SEM1: variants seen among roughly 807,000 people sequenced by gnomAD.
The protein encoded by SEM1 is 26S proteasome complex subunit SEM1.
A neutral mutation model predicts 12.7 loss-of-function variants in SEM1; 3 were observed. The ratio of observed to expected loss-of-function variants is 0.24; its 90% CI spans 0.11 to 0.61. The LOEUF (loss-of-function observed/expected upper bound fraction) is 0.61. Among genes scored for constraint, SEM1 ranks in the 20% least tolerant of loss-of-function variants. SEM1 has a pLI of 0.88. For missense variants in SEM1, 59 were observed against 81.3 expected (o/e 0.73, Z 1.06); for synonymous variants, 30 against 27.8 (o/e 1.08, Z -0.25).
downstream of SEM1, among the ~76,000 whole-genome samples, chr7:96,670,136 TAATC>T (rs1176668159): frequency 2.0e-5 from 3 of 152,192 alleles, no homozygotes; most frequent in African/African-American, 7.2e-5. Context: ...TTTCCAATGT[TAATC>T]AAGTAATAAT....
At chr7:96,585,705 A>ATTCG (rs1320659221) in intron 2 of SEM1, among the ~76,000 whole-genome samples, 1 of 151,434 alleles carries the variant, frequency 6.6e-6, no homozygotes, top group Non-Finnish European at 1.5e-5. Flanking sequence ...AAAGTGCAGT[A>ATTCG]TTCGGGTGGG....
intron 3 of SEM1, among the ~76,000 whole-genome samples, chr7:96,505,614 G>A (rs1410940717): frequency 6.6e-6 from 1 of 152,058 alleles, no homozygotes; most frequent in Admixed American, 6.6e-5. Flanking sequence ...CATATACTGG[G>A]TGGATTATAA....
intron 2 of SEM1, among the ~76,000 whole-genome samples, chr7:96,507,729 G>A (rs1803803258): frequency 6.6e-6 from 1 of 152,112 alleles, no homozygotes; most frequent in African/African-American, 2.4e-5. Flanking sequence ...CCCCATGGAT[G>A]TGAAATCAAC....
chr7:96,580,988 T>C (rs1220563034), intron 2 of SEM1, among the ~76,000 whole-genome samples: 1 of 152,246 alleles, frequency 6.6e-6, no homozygotes, highest in Non-Finnish European at 1.5e-5. Flanking sequence ...ATCTCATTTG[T>C]CAATTTTGTC....
At chr7:96,652,734 A>G (rs925869356) in intron 2 of SEM1, among the ~76,000 whole-genome samples, 1 of 152,210 alleles carries the variant, frequency 6.6e-6, no homozygotes. Context: ...TTTGTACTCA[A>G]ATTATTTGAA....
At chr7:96,583,396 G>A (rs1806488405) in intron 2 of SEM1, among the ~76,000 whole-genome samples, 1 of 141,694 alleles carries the variant, frequency 7.1e-6, no homozygotes, top group East Asian at 2.1e-4. Context: ...TTCCAAGTAT[G>A]TGGTCAATTT....
intron 2 of SEM1, among the ~76,000 whole-genome samples, chr7:96,533,430 C>T (rs1159387916): frequency 6.6e-6 from 1 of 151,974 alleles, no homozygotes; most frequent in Admixed American, 6.6e-5. Flanking sequence ...TGTATAGTGA[C>T]CCTGAATCTC....
chr7:96,701,243 C>T (rs1790263729), intron 1 of SEM1, among the ~76,000 whole-genome samples: 1 of 151,880 alleles, frequency 6.6e-6, no homozygotes, highest in African/African-American at 2.4e-5. Flanking sequence ...CCCTGGCCCC[C>T]CAAAACCCCC....
intron 2 of SEM1, among the ~76,000 whole-genome samples, chr7:96,584,481 A>G (rs1241575063): frequency 2.0e-5 from 3 of 152,000 alleles, no homozygotes; most frequent in African/African-American, 4.8e-5. Flanking sequence ...TCTTTGTGGC[A>G]TTCTCTCTAT....
chr7:96,636,414 C>T (rs1167220805), intron 2 of SEM1, among the ~76,000 whole-genome samples: 2 of 152,172 alleles, frequency 1.3e-5, no homozygotes, highest in Non-Finnish European at 1.5e-5. Context: ...TCTTAAGTCA[C>T]TCTGTGGGAG....
intron 2 of SEM1, among the ~76,000 whole-genome samples, chr7:96,606,862 C>G (rs1207118320): frequency 1.3e-5 from 2 of 152,138 alleles, no homozygotes; most frequent in Non-Finnish European, 2.9e-5. Context: ...TATTTTTCTG[C>G]CTACTCACAT....
In SEM1 at chr7:96,529,237, G is replaced by A. The variant is rs561673852; in HGVS notation, c.171-22539C>T. On this transcript the variant is annotated intron_variant and NMD_transcript_variant, in intron 2 of 3. Coordinates refer to the SEM1 transcript ENST00000466986. The stretch of plus-strand genomic sequence containing the variant: ...TTTAGAAGACAAAAGAAAAAAGAAA[G>A]GATAAAAGATTGTATAACCTAATTT... Among the ~76,000 whole-genome samples the A allele has an allele frequency of 1.5e-3, 231 of 151,932 alleles. 1 individual carries two copies. Among genetic ancestry groups the A allele is most frequent in the African/African-American group, 5.4e-3 (223 of 41,482 alleles).
chr7:96,514,542 A>G (rs1194900071), intron 2 of SEM1, among the ~76,000 whole-genome samples: 2 of 152,108 alleles, frequency 1.3e-5, no homozygotes, highest in African/African-American at 4.8e-5. Context: ...AAAAACCTCC[A>G]TAATAAGTGA....
downstream of SEM1, among the ~76,000 whole-genome samples, chr7:96,668,948 C>A (rs1038934718): frequency 3.3e-5 from 5 of 152,120 alleles, no homozygotes; most frequent in African/African-American, 1.2e-4. Flanking sequence ...AAGGCAGGGA[C>A]TGAAGTTATA....
chr7:96,616,051 A>G (rs769244534), intron 2 of SEM1, among the ~76,000 whole-genome samples: 3 of 152,198 alleles, frequency 2.0e-5, no homozygotes, highest in Admixed American at 6.5e-5. Flanking sequence ...CCCATTGAGT[A>G]TATACCTAGT....
At chr7:96,581,595 A>G (rs895043226) in intron 2 of SEM1, among the ~76,000 whole-genome samples, 1 of 152,146 alleles carries the variant, frequency 6.6e-6, no homozygotes, top group East Asian at 1.9e-4. Flanking sequence ...GATTCTTCCT[A>G]CCCATGAGCA....
At chr7:96,588,513 A>G (rs55953414) in intron 2 of SEM1, among the ~76,000 whole-genome samples, 3,010 of 152,242 alleles carry the variant, frequency 0.02, 90 homozygotes, top group African/African-American at 0.068. Flanking sequence ...AGCTCATTTC[A>G]TCATAATGAT....
chr7:96,537,396 C>A (rs1804818936), intron 2 of SEM1, among the ~76,000 whole-genome samples: 1 of 151,684 alleles, frequency 6.6e-6, no homozygotes, highest in South Asian at 2.1e-4. Flanking sequence ...AACTTTCTAA[C>A]TTCTTTCTTC....
chr7:96,543,720 T>A (rs1805023223), intron 2 of SEM1, among the ~76,000 whole-genome samples: 1 of 152,070 alleles, frequency 6.6e-6, no homozygotes, highest in Non-Finnish European at 1.5e-5. Flanking sequence ...TTTTTAGAAT[T>A]TCTTAGTAAC....
Sources: gnomAD v4.1 joint callset for allele counts (sites outside exome capture counted in the v4.1 genomes callset) on GRCh38, gnomAD v4.1.1 for gene constraint, MANE v1.5 for transcripts, NCBI Gene and HGNC (gene_info 2026-07-23, HGNC 2026-07-21) for gene names.